Variants in PCDH15 observed in about 807,000 individuals in gnomAD.
PCDH15 encodes protocadherin related 15.
Under a neutral mutation model 178.5 loss-of-function variants are expected in PCDH15, and 129 were observed. The ratio of observed to expected loss-of-function variants is 0.72; its 90% CI spans 0.63 to 0.84. The LOEUF is 0.84. Among genes scored for constraint, PCDH15 ranks in the 40% least tolerant of loss-of-function variants. The pLI, the probability that PCDH15 is intolerant of heterozygous loss-of-function variation, is 0.00. For synonymous variants in PCDH15, 800 were observed against 732.0 expected (o/e 1.09, Z -1.50); for missense variants, 2,230 against 2,099.9 (o/e 1.06, Z -1.21).
chr10:55,092,487 A>G (rs1225639570), intron 2 of PCDH15, among the ~76,000 whole-genome samples: 3 of 151,962 alleles, frequency 2.0e-5, no homozygotes, highest in Admixed American at 1.3e-4. Context: ...CCAAGGGTGC[A>G]TGAAATATAT....
chr10:54,198,264 C>G (rs967754816), intron 10 of PCDH15, among the ~76,000 whole-genome samples: 33 of 152,040 alleles, frequency 2.2e-4, no homozygotes, highest in African/African-American at 6.0e-4. Context: ...TTTCTGGAGA[C>G]AGCTGACCAG....
chr10:54,762,474 A>G (rs1948009682), intron 1 of PCDH15, among the ~76,000 whole-genome samples: 1 of 152,154 alleles, frequency 6.6e-6, no homozygotes, highest in South Asian at 2.1e-4. Flanking sequence ...TGTAACTTTT[A>G]TGGCATAGCT....
chr10:55,162,125 T>C (rs1839083611), intron 2 of PCDH15, among the ~76,000 whole-genome samples: 1 of 152,150 alleles, frequency 6.6e-6, no homozygotes, highest in Non-Finnish European at 1.5e-5. Flanking sequence ...AATTATTTAA[T>C]CTAATTTAAA....
chr10:54,261,640 ATACAAGTATTCTATTCTTAACACAC>A (rs1439224162), intron 8 of PCDH15, among the ~76,000 whole-genome samples: 15 of 132,332 alleles, frequency 1.1e-4, no homozygotes, highest in African/African-American at 3.9e-4. Context: ...TAAAATGTGT[ATACAAGTATTCTATTCTTAACACAC>A]ATATGCATAT....
intron 8 of PCDH15, among the ~76,000 whole-genome samples, chr10:54,243,943 C>A (rs1414457066): frequency 6.6e-6 from 1 of 152,116 alleles, no homozygotes; most frequent in Admixed American, 6.5e-5. Context: ...GAAACTGATT[C>A]ACTGCATATA....
intron 2 of PCDH15, among the ~76,000 whole-genome samples, chr10:54,920,196 A>C (rs11004631): frequency 0.013 from 2,016 of 152,188 alleles, 112 homozygotes; most frequent in Admixed American, 0.095. Context: ...CTCGGCCGGG[A>C]GCGGTGGCTC....
chr10:54,934,385 A>G (rs2131856334), intron 2 of PCDH15, among the ~76,000 whole-genome samples: 1 of 152,280 alleles, frequency 6.6e-6, no homozygotes, highest in South Asian at 2.1e-4. Flanking sequence ...GTCTGAAAAT[A>G]CTAAAAATTT....
At chr10:54,798,583 G>C (rs911112864) in intron 1 of PCDH15, among the ~76,000 whole-genome samples, 3 of 151,900 alleles carry the variant, frequency 2.0e-5, no homozygotes, top group Non-Finnish European at 4.4e-5. Flanking sequence ...TTAAAAAATG[G>C]AAAAATACAA....
chr10:53,892,639 G>A (rs2133506844), intron 26 of PCDH15, among the ~76,000 whole-genome samples: 1 of 152,206 alleles, frequency 6.6e-6, no homozygotes, highest in African/African-American at 2.4e-5. Flanking sequence ...TAACAAGAAT[G>A]TTTTACTTGT....
intron 2 of PCDH15, among the ~76,000 whole-genome samples, chr10:55,023,182 C>A (rs1198079875): frequency 6.6e-6 from 1 of 152,182 alleles, no homozygotes; most frequent in African/African-American, 2.4e-5. Flanking sequence ...ACCTTGTGAT[C>A]TGCCCGGCCT....
chr10:55,132,014 A>G lies in PCDH15; in HGVS notation c.-80+34562T>C, dbSNP rs751307109. ...TTGTCCACAGCACCCACAGTCCCCA[A>G]GCTGTTCATGTGGATGGGTGCCTGC... On this transcript the variant is annotated intron_variant, in intron 2 of 5. Coordinates refer to the PCDH15 transcript ENST00000458638. Among the ~76,000 whole-genome samples, 51 of 152,174 alleles carry G rather than the reference A, an allele frequency of 3.4e-4. No homozygotes were observed. The Middle Eastern group carries it at 0.01, about 30-fold the overall frequency.
rs558936863 is a variant in PCDH15 at position 54,842,928 on chromosome 10, A to G, written c.-29+54522T>C. The stretch of plus-strand genomic sequence containing the variant: ...AGGCAGGCATTATTGGGAGGAAAAT[A>G]AAAAGAAATAAGTGTCATCGTATGT... On this transcript the variant is annotated intron_variant, in intron 3 of 5. Coordinates refer to the PCDH15 transcript ENST00000458638. 3.9e-5 allele frequency among the ~76,000 whole-genome samples: 6 copies of G among 152,016 alleles called. 1 individual carries two copies. The South Asian group carries it at 1.2e-3, about 32-fold the overall frequency.
intron 2 of PCDH15, chr10:54,641,175 G>A (rs2093978728): frequency 1.1e-5 from 2 of 176,518 alleles, no homozygotes; most frequent in Non-Finnish European, 2.5e-5. Flanking sequence ...AGTTTTGTGT[G>A]TGTGTACGTG....
chr10:55,378,154 C>T (rs763326531), intron 2 of PCDH15, among the ~76,000 whole-genome samples: 2 of 151,968 alleles, frequency 1.3e-5, no homozygotes, highest in Non-Finnish European at 2.9e-5. Flanking sequence ...ACGTTTATAC[C>T]TATGTAACAA....
intron 2 of PCDH15, among the ~76,000 whole-genome samples, chr10:55,335,969 A>T (rs1319401737): frequency 6.6e-6 from 1 of 152,136 alleles, no homozygotes; most frequent in Non-Finnish European, 1.5e-5. Flanking sequence ...GTGTACCACA[A>T]CTTTAAAAAT....
intron 1 of PCDH15, among the ~76,000 whole-genome samples, chr10:55,310,044 T>A (rs573056740): frequency 6.6e-6 from 1 of 152,318 alleles, no homozygotes; most frequent in South Asian, 2.1e-4. Context: ...TTTTCCTCCA[T>A]GGCTACATTT....
chr10:54,459,740 A>G (rs2077055461), intron 3 of PCDH15, among the ~76,000 whole-genome samples: 1 of 152,160 alleles, frequency 6.6e-6, no homozygotes, highest in Admixed American at 6.6e-5. Flanking sequence ...TTACTAAAAA[A>G]TCTATTCCAG....
At chr10:54,406,778 T>A (rs377647277) in intron 3 of PCDH15, among the ~76,000 whole-genome samples, 1 of 152,200 alleles carries the variant, frequency 6.6e-6, no homozygotes. Flanking sequence ...GGAGCAAACG[T>A]AAGAGTAAAA....
chr10:55,516,429 T>C (rs574675216), intron 2 of PCDH15, among the ~76,000 whole-genome samples: 1 of 152,230 alleles, frequency 6.6e-6, no homozygotes, highest in South Asian at 2.1e-4. Context: ...ATCAGCAGTG[T>C]AAAAATGGAC....
Sources: allele counts gnomAD v4.1 joint callset (sites outside exome capture counted in the v4.1 genomes callset), GRCh38; gene constraint gnomAD v4.1.1; transcripts MANE v1.5; gene names NCBI Gene and HGNC (gene_info 2026-07-23, HGNC 2026-07-21).